Variants in DPH6 observed in about 807,000 individuals in gnomAD.
DPH6 encodes the protein diphthine--ammonia ligase.
DPH6 carries 33 observed loss-of-function variants against 38.2 expected under a neutral mutation model. That is an observed-to-expected ratio of 0.86 (90% CI 0.65 to 1.15). DPH6 has a LOEUF of 1.15. Ranked by LOEUF, DPH6 falls within the 50% of genes most tolerant of loss-of-function variation. The pLI, the probability that DPH6 is intolerant of heterozygous loss-of-function variation, is 0.00. For missense variants in DPH6, 325 were observed against 320.0 expected, an observed-to-expected ratio of 1.02 and a Z score of -0.12; for synonymous variants, 108 against 103.0, an observed-to-expected ratio of 1.05 and a Z score of -0.30.
chr15:35,523,379 A>G (rs992275648), intron 3 of DPH6, among the ~76,000 whole-genome samples: 3 of 151,636 alleles, frequency 2.0e-5, no homozygotes, highest in African/African-American at 7.3e-5. Context: ...CCCATTGAAT[A>G]CTAATCCCAC....
chr15:35,439,163 G>C (rs1343293343), intron 5 of DPH6, among the ~76,000 whole-genome samples: 2 of 152,186 alleles, frequency 1.3e-5, no homozygotes, highest in African/African-American at 2.4e-5. Context: ...GAAAATTAGG[G>C]TTGATATTAA....
chr15:35,379,123 A>G (rs528890570), intron 7 of DPH6, among the ~76,000 whole-genome samples: 42 of 152,232 alleles, frequency 2.8e-4, no homozygotes, highest in Non-Finnish European at 5.6e-4. Context: ...ACTTGAGTCT[A>G]CTTCCGTTGT....
intron 3 of DPH6, among the ~76,000 whole-genome samples, chr15:35,475,448 T>C (rs1372834127): frequency 2.0e-5 from 3 of 152,010 alleles, no homozygotes; most frequent in African/African-American, 4.8e-5. Context: ...GATTCCAAAT[T>C]TGCTAAAGTC....
intron 3 of DPH6, among the ~76,000 whole-genome samples, chr15:35,518,045 T>C (rs143475704): frequency 2.6e-4 from 39 of 152,184 alleles, no homozygotes; most frequent in Admixed American, 2.5e-3. Flanking sequence ...AGTTGCACTT[T>C]TATGCATGAG....
intron 5 of DPH6, among the ~76,000 whole-genome samples, chr15:35,434,424 G>A (rs953173745): frequency 1.5e-4 from 22 of 151,680 alleles, no homozygotes; most frequent in African/African-American, 5.3e-4. Context: ...AAAATAAAGG[G>A]AAAAGCAGTA....
intron 3 of DPH6, among the ~76,000 whole-genome samples, chr15:35,246,438 G>A (rs1379227435): frequency 6.6e-6 from 1 of 152,048 alleles, no homozygotes; most frequent in Non-Finnish European, 1.5e-5. Flanking sequence ...TATTTAGTTA[G>A]TCCCCATCTC....
At chr15:35,529,547 G>A (rs747083737) in intron 3 of DPH6, among the ~76,000 whole-genome samples, 1 of 152,026 alleles carries the variant, frequency 6.6e-6, no homozygotes, top group Admixed American at 6.6e-5. Context: ...TCCCCCAAAT[G>A]GGATTTTTTC....
At chr15:35,524,981 G>A (rs1272103872) in intron 3 of DPH6, among the ~76,000 whole-genome samples, 1 of 152,052 alleles carries the variant, frequency 6.6e-6, no homozygotes, top group Non-Finnish European at 1.5e-5. Context: ...CATCATCTCT[G>A]GAGGAAATAC....
At chr15:35,435,068 C>T (rs2053680149) in intron 5 of DPH6, among the ~76,000 whole-genome samples, 2 of 152,054 alleles carry the variant, frequency 1.3e-5, no homozygotes, top group Non-Finnish European at 2.9e-5. Flanking sequence ...GCCACTATGC[C>T]TGGTCACTAA....
downstream of DPH6, among the ~76,000 whole-genome samples, chr15:35,212,760 A>C (rs1686078241): frequency 6.6e-6 from 1 of 152,180 alleles, no homozygotes; most frequent in Non-Finnish European, 1.5e-5. Context: ...AAACCTTTAA[A>C]ACTGGCTCCG....
chr15:35,382,004 C>A, intron 6 of DPH6, 88 bp from the exon 7 acceptor site: 1 of 953,530 alleles, frequency 1.0e-6, no homozygotes, highest in South Asian at 1.5e-5. Context: ...AAAATCCATA[C>A]AAAAAACTTT....
At chr15:35,400,971 C>G in intron 6 of DPH6, 3 of 1,016,812 alleles carry the variant, frequency 3.0e-6, no homozygotes, top group Non-Finnish European at 4.6e-6. Context: ...AGAAGATTCT[C>G]AAAGACCAGG....
At chr15:35,409,714 A>G (rs2053340128) in intron 6 of DPH6, among the ~76,000 whole-genome samples, 1 of 151,974 alleles carries the variant, frequency 6.6e-6, no homozygotes, top group African/African-American at 2.4e-5. Flanking sequence ...GATATAATGG[A>G]GCTACAGAAC....
intron 5 of DPH6, among the ~76,000 whole-genome samples, chr15:35,431,307 C>T (rs2053630007): frequency 6.6e-6 from 1 of 152,004 alleles, no homozygotes; most frequent in South Asian, 2.1e-4. Flanking sequence ...ACCTATGGCC[C>T]CATTTTAGTA....
chr15:35,160,584 GT>G, the DPH6 span, among the ~76,000 whole-genome samples: 1 of 151,834 alleles, frequency 6.6e-6, no homozygotes, highest in Non-Finnish European at 1.5e-5. Flanking sequence ...CCAATAGGTA[GT>G]TTTTTGACCC....
intron 5 of DPH6, among the ~76,000 whole-genome samples, chr15:35,439,140 T>C (rs2053753940): frequency 6.6e-6 from 1 of 152,238 alleles, no homozygotes; most frequent in Non-Finnish European, 1.5e-5. Flanking sequence ...GAATTGTCTT[T>C]AAGATTTCAT....
At chr15:35,368,586 G>C (rs1291820693), downstream of DPH6, among the ~76,000 whole-genome samples, 1 of 151,884 alleles carries the variant, frequency 6.6e-6, no homozygotes, top group Non-Finnish European at 1.5e-5. Context: ...AATTTAATGA[G>C]AGATAAGCAT....
At chr15:35,443,381 C>T (rs535708835) in intron 5 of DPH6, among the ~76,000 whole-genome samples, 56 of 152,234 alleles carry the variant, frequency 3.7e-4, no homozygotes, top group African/African-American at 1.3e-3. Context: ...TGCCCCAGCT[C>T]TTACTCCAGG....
At chr15:35,397,868 T>TACACACAC (rs57530358) in intron 6 of DPH6, among the ~76,000 whole-genome samples, 10 of 87,252 alleles carry the variant, frequency 1.1e-4, no homozygotes, top group African/African-American at 2.3e-4. Context: ...TTTATATATA[T>TACACACAC]ACACACACAC....
Sources: allele counts gnomAD v4.1 joint callset (sites outside exome capture counted in the v4.1 genomes callset), GRCh38; gene constraint gnomAD v4.1.1; transcripts MANE v1.5; gene names NCBI Gene and HGNC (gene_info 2026-07-23, HGNC 2026-07-21).